Variants in RIMS2 observed in about 807,000 individuals in gnomAD.
The protein encoded by RIMS2 is regulating synaptic membrane exocytosis protein 2.
Under a neutral mutation model 174.4 loss-of-function variants are expected in RIMS2, and 59 were observed. That is an observed-to-expected ratio of 0.34 (90% CI 0.27 to 0.42). The LOEUF (loss-of-function observed/expected upper bound fraction) is 0.42, where lower values mean the gene tolerates loss of function less well. RIMS2 is among the 10% of genes least tolerant of loss of function. RIMS2 has a pLI of 1.00. For missense variants in RIMS2, 1,620 were observed against 1,666.3 expected (o/e 0.97, Z 0.48); for synonymous variants, 606 against 572.5 (o/e 1.06, Z -0.84).
intron 1 of RIMS2, among the ~76,000 whole-genome samples, chr8:103,575,650 TTA>T (rs1165787617): frequency 7.0e-6 from 1 of 142,300 alleles, no homozygotes; most frequent in Non-Finnish European, 1.5e-5. Flanking sequence ...TATATATAAT[TTA>T]TATATATAAA....
intron 1 of RIMS2, among the ~76,000 whole-genome samples, chr8:103,656,222 A>C (rs566816228): frequency 6.6e-6 from 1 of 152,284 alleles, no homozygotes; most frequent in South Asian, 2.1e-4. Context: ...GATGTTATTA[A>C]ATATGATCAA....
intron 19 of RIMS2, among the ~76,000 whole-genome samples, chr8:104,224,717 T>G (rs1372326736): frequency 6.6e-6 from 1 of 152,220 alleles, no homozygotes; most frequent in Non-Finnish European, 1.5e-5. Flanking sequence ...ACATCTGTAG[T>G]GAGCCCTGAT....
At chr8:104,157,608 T>A (rs904808863) in intron 19 of RIMS2, among the ~76,000 whole-genome samples, 4 of 152,220 alleles carry the variant, frequency 2.6e-5, no homozygotes, top group Non-Finnish European at 4.4e-5. Flanking sequence ...CTTTGTGAAT[T>A]TGACTGCTCT....
At chr8:103,612,047 G>C (rs1589009598) in intron 1 of RIMS2, among the ~76,000 whole-genome samples, 1 of 151,896 alleles carries the variant, frequency 6.6e-6, no homozygotes, top group Non-Finnish European at 1.5e-5. Flanking sequence ...TTTTCTGCCT[G>C]ATCAGTTCTG....
intron 3 of RIMS2, among the ~76,000 whole-genome samples, chr8:103,842,851 G>T (rs2098948225): frequency 6.6e-6 from 1 of 152,178 alleles, no homozygotes; most frequent in South Asian, 2.1e-4. Context: ...CACAATTCTG[G>T]ATTCTAGAAG....
At chr8:103,733,432 C>G (rs902424989) in intron 2 of RIMS2, among the ~76,000 whole-genome samples, 2 of 152,110 alleles carry the variant, frequency 1.3e-5, no homozygotes, top group African/African-American at 4.8e-5. Context: ...TGGTGTCTCA[C>G]TTGGTTGCAT....
chr8:103,868,064 C>T (rs1237760031), intron 3 of RIMS2, among the ~76,000 whole-genome samples: 1 of 151,932 alleles, frequency 6.6e-6, no homozygotes, highest in Non-Finnish European at 1.5e-5. Context: ...ATATAGCCAA[C>T]ATTTATTAGA....
intron 1 of RIMS2, among the ~76,000 whole-genome samples, chr8:103,692,369 G>T (rs1219930733): frequency 6.6e-6 from 1 of 152,176 alleles, no homozygotes; most frequent in Non-Finnish European, 1.5e-5. Flanking sequence ...AGAAACCTTA[G>T]GAATCTACCT....
chr8:103,555,892 G>A (rs1850238521), intron 1 of RIMS2, among the ~76,000 whole-genome samples: 2 of 151,946 alleles, frequency 1.3e-5, no homozygotes, highest in Non-Finnish European at 2.9e-5. Context: ...ATGCAACAAC[G>A]TGAATGATCT....
intron 1 of RIMS2, among the ~76,000 whole-genome samples, chr8:103,677,559 T>A (rs2096830767): frequency 1.3e-5 from 2 of 152,172 alleles, no homozygotes; most frequent in African/African-American, 4.8e-5. Context: ...ACCCACAGTC[T>A]CCAGTTTCTG....
chr8:103,819,856 G>A (rs918115444), intron 3 of RIMS2, among the ~76,000 whole-genome samples: 4 of 151,998 alleles, frequency 2.6e-5, no homozygotes, highest in Admixed American at 6.6e-5. Flanking sequence ...CCTCTGAAAC[G>A]TAATACAGAT....
At chr8:103,968,188 G>A (rs1412220421) in intron 15 of RIMS2, among the ~76,000 whole-genome samples, 1 of 151,900 alleles carries the variant, frequency 6.6e-6, no homozygotes, top group East Asian at 1.9e-4. Context: ...TTTGATTAGT[G>A]TTACCATAGT....
chr8:104,070,707 C>T (rs2097181548), intron 19 of RIMS2, among the ~76,000 whole-genome samples: 1 of 151,982 alleles, frequency 6.6e-6, no homozygotes, highest in African/African-American at 2.4e-5. Flanking sequence ...CTTCAGATAA[C>T]ATAAATTTGT....
At chr8:104,173,438 ACT>A (rs1244958024) in intron 19 of RIMS2, among the ~76,000 whole-genome samples, 1 of 151,748 alleles carries the variant, frequency 6.6e-6, no homozygotes, top group Non-Finnish European at 1.5e-5. Context: ...GATAACAATG[ACT>A]CTATTATTTA....
intron 1 of RIMS2, among the ~76,000 whole-genome samples, chr8:103,634,059 G>C (rs10113536): frequency 0.012 from 1,768 of 152,164 alleles, 33 homozygotes; most frequent in African/African-American, 0.039. Context: ...TCTTCTGCTA[G>C]CTTTGGGGTT....
At chr8:103,921,528 G>T in intron 9 of RIMS2, 144 bp from the exon 13 acceptor site, 1 of 555,320 alleles carries the variant, frequency 1.8e-6, no homozygotes, top group Non-Finnish European at 3.2e-6. Context: ...AGAATATTTG[G>T]AATGTTTTGT....
intron 19 of RIMS2, among the ~76,000 whole-genome samples, chr8:104,067,347 A>G (rs2097123534): frequency 1.3e-5 from 2 of 152,166 alleles, no homozygotes; most frequent in East Asian, 1.9e-4. Flanking sequence ...TTTTTAAATT[A>G]TATATATTTC....
intron 2 of RIMS2, among the ~76,000 whole-genome samples, chr8:103,755,724 C>T (rs2097987617): frequency 6.6e-6 from 1 of 152,034 alleles, no homozygotes; most frequent in Non-Finnish European, 1.5e-5. Flanking sequence ...TTGAGGTAAT[C>T]ATACTTGTGT....
chr8:104,094,118 A>T (rs1243575368), intron 19 of RIMS2, among the ~76,000 whole-genome samples: 5 of 152,010 alleles, frequency 3.3e-5, no homozygotes, highest in African/African-American at 4.8e-5. Context: ...CATATAGTAT[A>T]TAAGTTAGTA....
Sources: allele counts gnomAD v4.1 joint callset (sites outside exome capture counted in the v4.1 genomes callset), GRCh38; gene constraint gnomAD v4.1.1; transcripts MANE v1.5; gene names NCBI Gene and HGNC (gene_info 2026-07-23, HGNC 2026-07-21).